Variants in AACS observed in about 807,000 individuals in gnomAD.
The protein encoded by AACS is acetoacetate-CoA ligase.
A neutral mutation model predicts 83.1 loss-of-function variants in AACS; 69 were observed. The observed-to-expected ratio is 0.83, with a 90% CI of 0.68 to 1.01. The LOEUF (loss-of-function observed/expected upper bound fraction) is 1.01. Ranked by LOEUF, AACS falls within the 50% of genes least tolerant of loss-of-function variation. The pLI is 0.00. For synonymous variants in AACS, 333 were observed against 343.4 expected, an observed-to-expected ratio of 0.97 and a Z score of 0.33; for missense variants, 866 against 882.2, an observed-to-expected ratio of 0.98 and a Z score of 0.23.
chr12:125,142,015 G>T (rs1426959495), intron 17 of AACS, 77 bp from the exon 18 acceptor site: 3 of 1,546,142 alleles, frequency 1.9e-6, no homozygotes, highest in African/African-American at 2.7e-5. Context: ...GGCCTTTGGG[G>T]CCTGGATATA....
At chr12:125,134,103 T>G in intron 15 of AACS, 31 bp downstream of exon 15, 1 of 1,608,370 alleles carries the variant, frequency 6.2e-7, no homozygotes, top group Non-Finnish European at 8.5e-7. Context: ...TTCTCTTTCC[T>G]GGAGCCCCAC....
At chr12:125,134,770 C>T in intron 15 of AACS, 24 bp from the exon 16 acceptor site, 1 of 1,614,060 alleles carries the variant, frequency 6.2e-7, no homozygotes, top group Non-Finnish European at 8.5e-7. Flanking sequence ...TGCGGTGTGG[C>T]CCTGACCTCT....
intron 12 of AACS, chr12:125,125,992 T>G (rs1259635867): frequency 6.6e-6 from 1 of 151,722 alleles, no homozygotes; most frequent in Non-Finnish European, 1.5e-5. Context: ...AGTCTTGCTC[T>G]GTCACCCAGG....
At chr12:125,114,646 CA>C (rs1264618329) in intron 9 of AACS, 89 bp downstream of exon 9, 1 of 1,164,750 alleles carries the variant, frequency 8.6e-7, no homozygotes, top group Non-Finnish European at 1.2e-6. Flanking sequence ...AGGACTTCCC[CA>C]GGCGCCGGCC....
In AACS at chr12:125,114,493, A is replaced by G; in HGVS notation, c.932A>G (p.His311Arg). The change falls in exon 9 of 18, where the codon CAT becomes CGT. Residue 311 changes from histidine to arginine, a missense_variant. By Grantham distance (29) the His-to-Arg change is conservative. Transcript: ENST00000316519. ...CCCCTGCAGGGCACCCTCATCCAGC[A>G]TCTGAAGGAGCACCTGCTGCACGGC... is the stretch of plus-strand genomic sequence containing the variant. ...VHSAGGTLIQ[H>R]LKEHLLHGNM... The G allele has an allele frequency of 6.2e-7, 1 of 1,613,356 alleles. No individual in the cohort carries two copies. The highest frequency in any genetic ancestry group is 1.1e-5 in the South Asian group (1 of 91,050).
chr12:125,125,410 G>A (rs1000622531), intron 12 of AACS, among the ~76,000 whole-genome samples: 6 of 152,166 alleles, frequency 3.9e-5, no homozygotes, highest in South Asian at 2.1e-4. Flanking sequence ...TGCCACGCCC[G>A]GGAAGACAGC....
intron 1 of AACS, among the ~76,000 whole-genome samples, chr12:125,067,216 C>A (rs1955725800): frequency 6.6e-6 from 1 of 152,184 alleles, no homozygotes; most frequent in South Asian, 2.1e-4. Context: ...CTCTCCTTCC[C>A]TTCCTCTCCC....
At chr12:125,109,723 C>T (rs1374296807) in intron 8 of AACS, among the ~76,000 whole-genome samples, 1 of 152,158 alleles carries the variant, frequency 6.6e-6, no homozygotes, top group Non-Finnish European at 1.5e-5. Flanking sequence ...GGCGGTGGCA[C>T]GTCAGTCGTC....
At chr12:125,075,930 A>C (rs771869663) in intron 2 of AACS, among the ~76,000 whole-genome samples, 1 of 152,164 alleles carries the variant, frequency 6.6e-6, no homozygotes, top group Non-Finnish European at 1.5e-5. Context: ...CTTAGAAAAA[A>C]CTTTTCAATT....
At chr12:125,135,971 C>T (rs1354489374) in intron 16 of AACS, 1 of 152,544 alleles carries the variant, frequency 6.6e-6, no homozygotes, top group Non-Finnish European at 1.5e-5. Flanking sequence ...GTCTCAAACT[C>T]CTGAGCTCAA....
At chr12:125,087,683 C>T (rs1956370188) in intron 4 of AACS, among the ~76,000 whole-genome samples, 1 of 152,184 alleles carries the variant, frequency 6.6e-6, no homozygotes, top group East Asian at 1.9e-4. Flanking sequence ...TGCAAATTGC[C>T]GTTCAGCTTG....
chr12:125,131,323 C>T (rs750013688), intron 14 of AACS, among the ~76,000 whole-genome samples: 6 of 152,086 alleles, frequency 3.9e-5, no homozygotes, highest in Non-Finnish European at 5.9e-5. Context: ...AGGATCCTCC[C>T]GCCTCAGCCT....
chr12:125,089,706 C>T (rs1477603901), intron 4 of AACS, among the ~76,000 whole-genome samples: 3 of 152,034 alleles, frequency 2.0e-5, no homozygotes, highest in African/African-American at 7.3e-5. Flanking sequence ...TCAACCCATC[C>T]ATCTGTCCAT....
At chr12:125,134,984 G>A (rs1957382080) in intron 16 of AACS, 132 bp downstream of exon 16, 1 of 1,038,512 alleles carries the variant, frequency 9.6e-7, no homozygotes, top group South Asian at 1.4e-5. Context: ...ACATTTGTGA[G>A]CCTGACCTCC....
intron 4 of AACS, among the ~76,000 whole-genome samples, chr12:125,087,239 G>A (rs1419194728): frequency 6.6e-6 from 1 of 152,228 alleles, no homozygotes; most frequent in African/African-American, 2.4e-5. Flanking sequence ...AAGGAGCAGG[G>A]GCTGGAATGT....
chr12:125,091,436 C>T lies in AACS; in HGVS notation c.483C>T (p.Pro161=). 2 of 1,614,218 alleles carry T rather than the reference C, an allele frequency of 1.2e-6. No individual in the cohort carries two copies. Among genetic ancestry groups the T allele is most frequent in the Non-Finnish European group, 1.7e-6 (2 of 1,180,028 alleles). Residue 161 remains proline, a synonymous_variant, in exon 5 of 18, where the codon CCC becomes CCT. Coordinates refer to ENST00000316519, the MANE Select transcript of AACS (RefSeq NM_023928.5). ...ATGTTTTCTCCACAGGTTATTTACC[C>T]AACAGTGAGCACGCTGTCGAGGCGA... The part of the protein sequence containing the change: ...KKGDRVVGYL[P]NSEHAVEAML...
chr12:125,134,764 G>T (rs754636962), intron 15 of AACS, 30 bp from the exon 16 acceptor site: 2 of 1,613,990 alleles, frequency 1.2e-6, no homozygotes, highest in East Asian at 4.5e-5. Context: ...CAGAGCTGCG[G>T]TGTGGCCCTG....
rs150005543 is a variant in AACS at position 125,093,149 on chromosome 12, G to C, written c.570+1626G>C. On this transcript the variant is annotated intron_variant, in intron 5 of 17. Coordinates refer to ENST00000316519, the MANE Select transcript of AACS (RefSeq NM_023928.5). ...TACTGTTTGAACTAGTCGGGAGATG[G>C]GTGTGTTTTGAGTTAAATTATGACT... 9.8e-5 allele frequency among the ~76,000 whole-genome samples: 15 copies of C among 152,374 alleles called. No homozygotes were observed. In the East Asian group the frequency reaches 2.9e-3, roughly 29 times the overall value.
intron 16 of AACS, among the ~76,000 whole-genome samples, 179 bp from the exon 17 acceptor site, chr12:125,136,483 G>A (rs1223531379): frequency 1.3e-5 from 2 of 151,850 alleles, no homozygotes; most frequent in Non-Finnish European, 2.9e-5. Context: ...CTTGTGAAAC[G>A]GCCTCCTCAG....
Sources: gnomAD v4.1 joint callset for allele counts (sites outside exome capture counted in the v4.1 genomes callset) on GRCh38, gnomAD v4.1.1 for gene constraint, MANE v1.5 for transcripts, NCBI Gene and HGNC (gene_info 2026-07-23, HGNC 2026-07-21) for gene names.